Variants in EPC1 observed in about 807,000 individuals in gnomAD.
The protein encoded by EPC1 is enhancer of polycomb 1, also known as enhancer of polycomb homolog 1.
A neutral mutation model predicts 98.4 loss-of-function variants in EPC1; 12 were observed. The observed-to-expected ratio is 0.12, with a 90% CI of 0.08 to 0.20. The LOEUF (loss-of-function observed/expected upper bound fraction) is 0.20, where lower values mean the gene tolerates loss of function less well. Among genes scored for constraint, EPC1 ranks in the 10% least tolerant of loss-of-function variants. EPC1 has a pLI of 1.00. For synonymous variants in EPC1, 357 were observed against 363.9 expected, an observed-to-expected ratio of 0.98 and a Z score of 0.21; for missense variants, 729 against 990.5, an observed-to-expected ratio of 0.74 and a Z score of 3.54.
chr10:32,284,942 G>A lies in EPC1; in HGVS notation c.1500C>T (p.Thr500=), dbSNP rs1367515705. The change falls in exon 10 of 14, where the codon ACC becomes ACT. Residue 500 remains threonine (T), a synonymous_variant. Transcript: ENST00000319778. ...ATTTGTCCGAGGTATTTGTTTCTGAGGTATTGGCAAACTGATTGACTGGAG... is the reference window on the plus strand; with the variant it reads ...ATTTGTCCGAGGTATTTGTTTCTGAAGTATTGGCAAACTGATTGACTGGAG... The part of the protein sequence containing the change: ...QHSPVNQFAN[T]SETNTSDKSF... 1 of 1,614,162 alleles carries A rather than the reference G, an allele frequency of 6.2e-7. No individual in the cohort carries two copies. The highest frequency in any genetic ancestry group is 1.3e-5 in the African/African-American group (1 of 75,050).
At chr10:32,340,381 AT>A (rs1400054704) in intron 1 of EPC1, among the ~76,000 whole-genome samples, 1 of 152,222 alleles carries the variant, frequency 6.6e-6, no homozygotes, top group African/African-American at 2.4e-5. Context: ...CACTTCATAT[AT>A]TTAAAGGTGC....
At chr10:32,279,651 T>A (rs1441269203) in intron 10 of EPC1, among the ~76,000 whole-genome samples, 2 of 152,170 alleles carry the variant, frequency 1.3e-5, no homozygotes, top group Non-Finnish European at 2.9e-5. Context: ...TACTGGAAAT[T>A]AGGAATTCAC....
At chr10:32,311,343 A>G (rs1836219158) in intron 1 of EPC1, among the ~76,000 whole-genome samples, 1 of 152,096 alleles carries the variant, frequency 6.6e-6, no homozygotes, top group African/African-American at 2.4e-5. Context: ...AGAACAAGAG[A>G]AAATACTACA....
intron 10 of EPC1, among the ~76,000 whole-genome samples, chr10:32,278,071 G>A (rs1250042120): frequency 6.6e-6 from 1 of 152,120 alleles, no homozygotes; most frequent in East Asian, 1.9e-4. Context: ...ATGGAGTTTA[G>A]ATTACCAAAA....
At chr10:32,343,259 T>G (rs983882410) in intron 1 of EPC1, among the ~76,000 whole-genome samples, 3 of 152,156 alleles carry the variant, frequency 2.0e-5, no homozygotes, top group Admixed American at 2.0e-4. Flanking sequence ...GCACAGGCTG[T>G]GAGTGCAGTG....
intron 1 of EPC1, among the ~76,000 whole-genome samples, chr10:32,326,290 G>T (rs1013015117): frequency 6.6e-6 from 1 of 152,098 alleles, no homozygotes; most frequent in African/African-American, 2.4e-5. Context: ...CTGGCCAATT[G>T]TAAGTCAAAG....
intron 5 of EPC1, chr10:32,292,175 A>T (rs1834886952): frequency 6.2e-6 from 1 of 160,734 alleles, no homozygotes; most frequent in Non-Finnish European, 1.3e-5. Context: ...TTAACAATCC[A>T]GTGTTTTAAA....
intron 1 of EPC1, among the ~76,000 whole-genome samples, chr10:32,361,090 C>T (rs1400382957): frequency 6.6e-6 from 1 of 152,192 alleles, no homozygotes; most frequent in Non-Finnish European, 1.5e-5. Flanking sequence ...TAAGTAAACT[C>T]TTAAAATTGT....
intron 1 of EPC1, among the ~76,000 whole-genome samples, chr10:32,363,038 A>G (rs1331339034): frequency 6.9e-6 from 1 of 145,194 alleles, no homozygotes; most frequent in Non-Finnish European, 1.5e-5. Flanking sequence ...AAGGAAATCT[A>G]TATTAGTAAA....
chr10:32,287,655 T>C (rs1207516121), intron 6 of EPC1, among the ~76,000 whole-genome samples: 1 of 152,186 alleles, frequency 6.6e-6, no homozygotes, highest in Non-Finnish European at 1.5e-5. Context: ...CTAATCCTTA[T>C]TCTCAACAAA....
upstream of EPC1, among the ~76,000 whole-genome samples, chr10:32,351,719 T>G (rs1839115312): frequency 1.5e-5 from 2 of 133,558 alleles, no homozygotes; most frequent in Non-Finnish European, 3.0e-5. Context: ...ATTCTTTTGA[T>G]TATTTATTTA....
chr10:32,297,199 G>C (rs7909455), intron 2 of EPC1, among the ~76,000 whole-genome samples: 1 of 151,760 alleles, frequency 6.6e-6, no homozygotes, highest in African/African-American at 2.4e-5. Context: ...GTAAAAAAAA[G>C]GGTCTAAAGA....
chr10:32,319,031 C>T (rs781554729), intron 1 of EPC1, among the ~76,000 whole-genome samples: 1 of 152,204 alleles, frequency 6.6e-6, no homozygotes, highest in Non-Finnish European at 1.5e-5. Flanking sequence ...GAATAAGCAT[C>T]TAATAGAACT....
intron 10 of EPC1, among the ~76,000 whole-genome samples, chr10:32,278,735 T>C (rs1379980588): frequency 6.6e-6 from 1 of 152,136 alleles, no homozygotes; most frequent in Non-Finnish European, 1.5e-5. Flanking sequence ...AAAGGTAAAA[T>C]GATTCTTCAG....
chr10:32,340,925 GTTA>G (rs1385858696), intron 1 of EPC1, among the ~76,000 whole-genome samples: 8 of 84,984 alleles, frequency 9.4e-5, no homozygotes, highest in African/African-American at 2.5e-4. Context: ...TTACCAAAAA[GTTA>G]TTGTTATCAA....
intron 1 of EPC1, among the ~76,000 whole-genome samples, chr10:32,342,153 GTAAT>G (rs980805704): frequency 2.6e-5 from 4 of 152,134 alleles, no homozygotes; most frequent in Non-Finnish European, 4.4e-5. Flanking sequence ...CAAACTATCT[GTAAT>G]TAGTTTGTTA....
intron 2 of EPC1, among the ~76,000 whole-genome samples, chr10:32,302,232 C>G (rs1835593830): frequency 6.6e-6 from 1 of 151,090 alleles, no homozygotes; most frequent in Non-Finnish European, 1.5e-5. Context: ...CAGAGCAAGA[C>G]TCCGTCTCAA....
intron 1 of EPC1, 55 bp downstream of exon 1, chr10:32,346,708 A>G: frequency 6.5e-7 from 1 of 1,532,120 alleles, no homozygotes; most frequent in South Asian, 1.1e-5. Flanking sequence ...CCGCCGCCGC[A>G]GGCAGCAGAG....
In EPC1 at chr10:32,286,958, A is replaced by G; in HGVS notation, c.1210T>C (p.Phe404Leu). The G allele has an allele frequency of 6.2e-7, 1 of 1,613,846 alleles. No individual in the cohort carries two copies. Among genetic ancestry groups the G allele is most frequent in the Non-Finnish European group, 8.5e-7 (1 of 1,179,940 alleles). ...TACTGACAGCCTGCTTTCCTACGGA[A>G]AGCAAAAGGACCATCAGGATCATTG... is the stretch of plus-strand genomic sequence containing the variant. ...EDNDPDGPFA[F>L]RRKAGCQYYA... Residue 404 changes from phenylalanine (F) to leucine (L), a missense_variant, in exon 8 of 14, where the codon TTC becomes CTC. Physicochemically the swap from Phe to Leu is conservative, Grantham distance 22 (BLOSUM62 0). This residue lies in a region of EPC1 where 390 missense variants were observed against 438.6 expected (regional missense o/e 0.89). Coordinates refer to ENST00000319778, the MANE Select transcript of EPC1 (RefSeq NM_001272004.3).
Sources: allele counts gnomAD v4.1 joint callset (sites outside exome capture counted in the v4.1 genomes callset), GRCh38; gene constraint gnomAD v4.1.1; regional missense constraint gnomAD v4.1.1; transcripts MANE v1.5; gene names NCBI Gene and HGNC (gene_info 2026-07-23, HGNC 2026-07-21).